Variants in ARID2 observed in about 807,000 individuals in gnomAD.
The protein encoded by ARID2 is AT-rich interaction domain 2, also known as AT-rich interactive domain-containing protein 2.
A neutral mutation model predicts 184.6 loss-of-function variants in ARID2; 32 were observed. The observed-to-expected ratio is 0.17, with a 90% confidence interval of 0.13 to 0.23. ARID2 has a LOEUF of 0.23. ARID2 is among the 10% of genes least tolerant of loss of function. The probability of loss-of-function intolerance (pLI) is 1.00; values close to 1 mark genes in which losing one functional copy is unlikely to be tolerated. For synonymous variants in ARID2, 836 were observed against 772.6 expected (o/e 1.08, Z -1.36); for missense variants, 1,696 against 2,197.6 (o/e 0.77, Z 4.56).
chr12:45,880,744 G>A (rs1944087258), intron 16 of ARID2, among the ~76,000 whole-genome samples: 2 of 152,226 alleles, frequency 1.3e-5, no homozygotes, highest in African/African-American at 2.4e-5. Context: ...GGCATGGAAT[G>A]TTAAATACAT....
At chr12:45,810,776 A>G (rs1442719561) in intron 3 of ARID2, among the ~76,000 whole-genome samples, 1 of 152,234 alleles carries the variant, frequency 6.6e-6, no homozygotes, top group Non-Finnish European at 1.5e-5. Context: ...TATTGTTTTT[A>G]TAATGACCAT....
chr12:45,813,504 T>A (rs1250266604), intron 4 of ARID2, among the ~76,000 whole-genome samples: 1 of 151,104 alleles, frequency 6.6e-6, no homozygotes, highest in African/African-American at 2.4e-5. Context: ...TAATATTAGA[T>A]TGAGAGTATT....
At chr12:45,882,913 G>A (rs534930337) in intron 16 of ARID2, among the ~76,000 whole-genome samples, 1 of 152,278 alleles carries the variant, frequency 6.6e-6, no homozygotes, top group East Asian at 1.9e-4. Context: ...AATGAATGAA[G>A]TTTACCTAGC....
At position 45,884,876 on chromosome 12, in the gene ARID2, G is replaced by T. The variant is rs140056505; in HGVS notation, c.4923-6904G>T. ...TGGCAGCTACACTAGTCAATCAGTT[G>T]TTCCCACCTATGACTTTTAATCTGG... On this transcript the variant is annotated intron_variant, in intron 16 of 20. Transcript: ENST00000334344. 9.3e-4 allele frequency among the ~76,000 whole-genome samples: 142 copies of T among 152,146 alleles called. 2 individuals carry two copies. Among genetic ancestry groups the T allele is most frequent in the African/African-American group, 2.7e-3 (110 of 41,494 alleles).
intron 3 of ARID2, among the ~76,000 whole-genome samples, chr12:45,752,455 A>T (rs545864386): frequency 6.6e-6 from 1 of 152,210 alleles, no homozygotes; most frequent in Non-Finnish European, 1.5e-5. Flanking sequence ...ATGGGATTCA[A>T]TGATTTATGT....
chr12:45,903,396 A>G (rs1014212876), intron 20 of ARID2, among the ~76,000 whole-genome samples: 2 of 152,226 alleles, frequency 1.3e-5, no homozygotes, highest in Non-Finnish European at 2.9e-5. Context: ...AGTTTGCTAC[A>G]TGATGCCAAC....
At chr12:45,842,270 T>C (rs1359993429) in intron 11 of ARID2, 1 of 150,844 alleles carries the variant, frequency 6.6e-6, no homozygotes, top group Non-Finnish European at 1.5e-5. Flanking sequence ...TATATACATA[T>C]ATACACATAC....
At chr12:45,888,582 A>G (rs1034715188) in intron 16 of ARID2, among the ~76,000 whole-genome samples, 1 of 152,204 alleles carries the variant, frequency 6.6e-6, no homozygotes, top group African/African-American at 2.4e-5. Context: ...CAGTACCTCC[A>G]CTACCCCTTA....
intron 3 of ARID2, among the ~76,000 whole-genome samples, chr12:45,761,382 A>G (rs1181544943): frequency 2.0e-5 from 3 of 152,118 alleles, no homozygotes; most frequent in East Asian, 1.9e-4. Context: ...TACATTTTTC[A>G]AATGTTCTTT....
chr12:45,862,004 T>A (rs1464376687), intron 16 of ARID2, among the ~76,000 whole-genome samples: 1 of 152,240 alleles, frequency 6.6e-6, no homozygotes, highest in Admixed American at 6.5e-5. Flanking sequence ...TTTTGTGATA[T>A]AGATATTATA....
chr12:45,765,045 A>C (rs1941745755), intron 3 of ARID2, among the ~76,000 whole-genome samples: 1 of 152,224 alleles, frequency 6.6e-6, no homozygotes, highest in South Asian at 2.1e-4. Flanking sequence ...AGCCATTCTA[A>C]AAGATGTGTA....
chr12:45,838,733 C>G (rs1363147468), intron 10 of ARID2, among the ~76,000 whole-genome samples: 1 of 151,752 alleles, frequency 6.6e-6, no homozygotes, highest in Non-Finnish European at 1.5e-5. Flanking sequence ...TGCCAGCACT[C>G]CAGCCTGGGT....
At chr12:45,843,176 G>T (rs1943382819) in intron 11 of ARID2, among the ~76,000 whole-genome samples, 2 of 151,532 alleles carry the variant, frequency 1.3e-5, no homozygotes, top group Non-Finnish European at 2.9e-5. Flanking sequence ...ATATCAAAAA[G>T]ATATTAACAA....
chr12:45,738,709 T>TA (rs956256801), intron 3 of ARID2, among the ~76,000 whole-genome samples: 5 of 151,546 alleles, frequency 3.3e-5, no homozygotes, highest in African/African-American at 1.2e-4. Context: ...TTTCTTTTTT[T>TA]ATGTATAAAA....
intron 4 of ARID2, among the ~76,000 whole-genome samples, chr12:45,812,049 T>A (rs943184992): frequency 1.3e-5 from 2 of 151,800 alleles, no homozygotes; most frequent in Non-Finnish European, 2.9e-5. Flanking sequence ...TTGAAAAAAA[T>A]CAAGTTGGAA....
chr12:45,763,424 C>T (rs988047816), intron 3 of ARID2, among the ~76,000 whole-genome samples: 2 of 151,692 alleles, frequency 1.3e-5, no homozygotes, highest in African/African-American at 2.4e-5. Flanking sequence ...GAGCCAAGAC[C>T]GCTCCATTCC....
At chr12:45,881,822 T>C (rs1944109144) in intron 16 of ARID2, 1 of 222,622 alleles carries the variant, frequency 4.5e-6, no homozygotes, top group Admixed American at 5.2e-5. Context: ...TGTGCCCCTT[T>C]TTTTCCCTCT....
chr12:45,745,939 C>T (rs1941347091), intron 3 of ARID2, among the ~76,000 whole-genome samples: 1 of 151,340 alleles, frequency 6.6e-6, no homozygotes, highest in African/African-American at 2.4e-5. Flanking sequence ...ATATTTTACT[C>T]GTAAAAACCT....
intron 6 of ARID2, among the ~76,000 whole-genome samples, chr12:45,832,675 T>C (rs1943143065): frequency 6.6e-6 from 1 of 152,132 alleles, no homozygotes; most frequent in Non-Finnish European, 1.5e-5. Context: ...ATTTACAGTC[T>C]GGTCTCTGAA....
Sources: gnomAD v4.1 joint callset for allele counts (sites outside exome capture counted in the v4.1 genomes callset) on GRCh38, gnomAD v4.1.1 for gene constraint, MANE v1.5 for transcripts, NCBI Gene and HGNC (gene_info 2026-07-23, HGNC 2026-07-21) for gene names.